The following WWOX variants were observed in gnomAD, a reference collection of about 807,000 sequenced individuals.
WWOX encodes WW domain containing oxidoreductase.
In WWOX, 69 loss-of-function variants were observed where a neutral mutation model predicts 46.2. The observed-to-expected ratio is 1.49, with a 90% CI of 1.23 to 1.82. The LOEUF is 1.82. Ranked by LOEUF, WWOX falls within the 40% of genes most tolerant of loss-of-function variation. WWOX has a pLI of 0.00. For synonymous variants in WWOX, 359 were observed against 202.6 expected (o/e 1.77, Z -6.56); for missense variants, 919 against 542.6 (o/e 1.69, Z -6.89).
intron 8 of WWOX, among the ~76,000 whole-genome samples, chr16:78,917,762 C>G (rs892905662): frequency 3.3e-5 from 5 of 151,930 alleles, no homozygotes; most frequent in Admixed American, 3.3e-4. Context: ...GTCATAAGGT[C>G]TATTAATAAA....
At chr16:78,955,282 C>T (rs1446471135) in intron 8 of WWOX, among the ~76,000 whole-genome samples, 3 of 152,058 alleles carry the variant, frequency 2.0e-5, no homozygotes, top group African/African-American at 7.2e-5. Context: ...TCCCTCATGC[C>T]CTAAAATAGA....
chr16:78,569,497 C>T (rs1597282592), intron 8 of WWOX, among the ~76,000 whole-genome samples: 1 of 152,124 alleles, frequency 6.6e-6, no homozygotes, highest in Non-Finnish European at 1.5e-5. Flanking sequence ...TGATTCTTTT[C>T]GTAACTGCAA....
intron 6 of WWOX, among the ~76,000 whole-genome samples, chr16:78,423,601 A>G (rs8064012): frequency 0.25 from 37,530 of 151,998 alleles, 4,700 homozygotes; most frequent in East Asian, 0.32. Context: ...GCCTAGGCAG[A>G]AGGATTGCTT....
At chr16:78,517,722 G>A (rs886323527) in intron 8 of WWOX, among the ~76,000 whole-genome samples, 6 of 151,842 alleles carry the variant, frequency 4.0e-5, no homozygotes, top group African/African-American at 1.5e-4. Flanking sequence ...GTTGGGACGG[G>A]TCTTAAACTA....
intron 8 of WWOX, among the ~76,000 whole-genome samples, chr16:78,515,210 C>G (rs1381441847): frequency 1.3e-5 from 2 of 152,116 alleles, no homozygotes; most frequent in African/African-American, 2.4e-5. Context: ...GGCGACAGAG[C>G]GAGACCCTGT....
intron 8 of WWOX, among the ~76,000 whole-genome samples, chr16:78,926,184 G>C (rs2045493184): frequency 6.6e-6 from 1 of 151,986 alleles, no homozygotes; most frequent in Admixed American, 6.6e-5. Flanking sequence ...GACCAGCCTG[G>C]GTAACATGGC....
At chr16:79,044,059 C>G (rs181696771) in intron 8 of WWOX, among the ~76,000 whole-genome samples, 22 of 152,280 alleles carry the variant, frequency 1.4e-4, no homozygotes, top group African/African-American at 5.1e-4. Context: ...CTGCCCAGAC[C>G]CGGTGGCCTG....
rs144249872 is a variant in WWOX at position 78,765,385 on chromosome 16, C to G, written c.1056+332633C>G. Among the ~76,000 whole-genome samples the G allele has an allele frequency of 3.3e-4, 50 of 152,260 alleles. No homozygotes were observed. In the East Asian group the frequency reaches 8.9e-3, roughly 27 times the overall value. ...CAGGTGAGAGGCCCTGAAATTTCCACGTAAGATTCGGGGCCGGGCACGGTG... is the reference window on the plus strand; with the variant it reads ...CAGGTGAGAGGCCCTGAAATTTCCAGGTAAGATTCGGGGCCGGGCACGGTG... On this transcript the variant is annotated intron_variant, in intron 8 of 8. Coordinates refer to ENST00000566780, the MANE Select transcript of WWOX (RefSeq NM_016373.4).
chr16:78,723,326 G>A (rs1273300298), intron 8 of WWOX, among the ~76,000 whole-genome samples: 2 of 152,298 alleles, frequency 1.3e-5, no homozygotes, highest in East Asian at 1.9e-4. Flanking sequence ...CTTGGGGTCA[G>A]TGTCTGTCAA....
At chr16:78,701,799 T>C (rs1178906338) in intron 8 of WWOX, among the ~76,000 whole-genome samples, 1 of 151,666 alleles carries the variant, frequency 6.6e-6, no homozygotes, top group East Asian at 1.9e-4. Flanking sequence ...TGAGCTGCCA[T>C]CTGGGGACAC....
chr16:78,261,663 C>G (rs1203496563), intron 5 of WWOX, among the ~76,000 whole-genome samples: 1 of 149,654 alleles, frequency 6.7e-6, no homozygotes, highest in African/African-American at 2.5e-5. Context: ...GAAGAACAAT[C>G]TCAGATCTCA....
At chr16:78,419,029 ATC>A (rs985657955) in intron 6 of WWOX, among the ~76,000 whole-genome samples, 2 of 152,248 alleles carry the variant, frequency 1.3e-5, no homozygotes, top group African/African-American at 4.8e-5. Flanking sequence ...TGCAAATGAA[ATC>A]ACCTTATCTG....
At chr16:78,526,829 C>T (rs1192361305) in intron 8 of WWOX, among the ~76,000 whole-genome samples, 1 of 152,228 alleles carries the variant, frequency 6.6e-6, no homozygotes, top group South Asian at 2.1e-4. Context: ...TGAGGGGGGT[C>T]TGGGAGGGAG....
chr16:79,012,742 C>T (rs955080477), intron 8 of WWOX, among the ~76,000 whole-genome samples: 1 of 152,142 alleles, frequency 6.6e-6, no homozygotes, highest in Non-Finnish European at 1.5e-5. Flanking sequence ...CCCTTTTTTC[C>T]TCCCCTGGTG....
chr16:78,716,953 G>A (rs541332665), intron 8 of WWOX, among the ~76,000 whole-genome samples: 1 of 152,304 alleles, frequency 6.6e-6, no homozygotes, highest in East Asian at 1.9e-4. Flanking sequence ...CCCAAGATCA[G>A]AGGATAAGGA....
At chr16:78,850,762 T>C (rs77802741) in intron 8 of WWOX, among the ~76,000 whole-genome samples, 4,885 of 152,232 alleles carry the variant, frequency 0.032, 258 homozygotes, top group African/African-American at 0.11. Flanking sequence ...AACCCAATCT[T>C]ATTGGGACAA....
intron 8 of WWOX, among the ~76,000 whole-genome samples, chr16:78,772,583 G>C (rs538469641): frequency 3.3e-5 from 5 of 152,118 alleles, no homozygotes; most frequent in Admixed American, 1.3e-4. Context: ...CAAATACTTT[G>C]GAAGAGATTA....
chr16:78,255,792 G>C lies in WWOX; in HGVS notation c.516+91503G>C, dbSNP rs938737820. On this transcript the variant is annotated intron_variant, in intron 5 of 8. Transcript: ENST00000566780. The stretch of plus-strand genomic sequence containing the variant: ...ATAAATCCATGTACTCCTCCCAGTA[G>C]CTTTATGAGGTCTTATTATTCTCAT... Among the ~76,000 whole-genome samples, 12 of 152,218 alleles carry C rather than the reference G, an allele frequency of 7.9e-5. No homozygotes were observed. In the East Asian group the frequency reaches 1.4e-3, roughly 17 times the overall value.
In WWOX at chr16:78,539,983, ATCTC is replaced by A. The variant is rs1335295060; in HGVS notation, c.1056+107241_1056+107244del. ...TGTTTCTAGCTCCCCTTTCCAATAC[ATCTC>A]TCTCTCTCTTTCTCTCTCTCTCTCT... is the stretch of plus-strand genomic sequence containing the variant. On this transcript the variant is annotated intron_variant, in intron 8 of 8. Coordinates refer to ENST00000566780, the MANE Select transcript of WWOX (RefSeq NM_016373.4). Among the ~76,000 whole-genome samples, 11 of 144,036 alleles carry A rather than the reference ATCTC, an allele frequency of 7.6e-5. No individual in the cohort carries two copies. In the South Asian group the frequency reaches 2.0e-3, roughly 26 times the overall value. The allele number at this position is 144,036 out of a possible 152,430, so 94.5% of individuals were successfully genotyped here. A position where few individuals can be genotyped will look rare whatever the true frequency, so the allele number is the denominator to read the frequency against.
Sources: gnomAD v4.1 joint callset for allele counts (sites outside exome capture counted in the v4.1 genomes callset) on GRCh38, gnomAD v4.1.1 for gene constraint, MANE v1.5 for transcripts, NCBI Gene and HGNC (gene_info 2026-07-23, HGNC 2026-07-21) for gene names.